Variants in CERKL observed in about 807,000 individuals in gnomAD.
CERKL encodes ceramide kinase-like protein.
In CERKL, 61 loss-of-function variants were observed where a neutral mutation model predicts 63.4. The ratio of observed to expected loss-of-function variants is 0.96; its 90% CI spans 0.78 to 1.19. CERKL has a LOEUF of 1.19. CERKL is among the 50% of genes most tolerant of loss of function. The pLI, the probability that CERKL is intolerant of heterozygous loss-of-function variation, is 0.00. For missense variants in CERKL, 675 were observed against 655.5 expected (o/e 1.03, Z -0.33); for synonymous variants, 250 against 230.5 (o/e 1.08, Z -0.77).
At position 181,610,572 on chromosome 2, in the gene CERKL, G is replaced by A. The variant is rs533217819; in HGVS notation, c.239-6493C>T. On this transcript the variant is annotated intron_variant, in intron 1 of 12. Coordinates refer to ENST00000410087, the MANE Select transcript of CERKL (RefSeq NM_201548.5). ...TCATAAATGAGTAAGTGAAATCTCT[G>A]TATTCTGGTCTGGAAAGACATTCAT... is the stretch of plus-strand genomic sequence containing the variant. 5.3e-5 allele frequency among the ~76,000 whole-genome samples: 8 copies of A among 152,290 alleles called. No individual in the cohort carries two copies. The East Asian group carries it at 1.2e-3, about 22-fold the overall frequency.
intron 1 of CERKL, among the ~76,000 whole-genome samples, chr2:181,632,271 T>C (rs1206471780): frequency 6.6e-6 from 1 of 152,174 alleles, no homozygotes; most frequent in Non-Finnish European, 1.5e-5. Flanking sequence ...ATAGAGGGAT[T>C]AGAGGAACAA....
Position 181,594,574 on chromosome 2 carries a change from GACCACACACACA to G in CERKL, c.481+9251_481+9262del, listed in dbSNP as rs553213784. On this transcript the variant is annotated intron_variant, in intron 2 of 12. Coordinates refer to ENST00000410087, the MANE Select transcript of CERKL (RefSeq NM_201548.5). ...GATGCTATGAAGGGCCCAGGAACCT[GACCACACACACA>G]GGCTTCGCCTTTGCCTATCTCTGCT... 1.3e-3 allele frequency among the ~76,000 whole-genome samples: 196 copies of G among 152,326 alleles called. 1 individual carries two copies. Among genetic ancestry groups the G allele is most frequent in the African/African-American group, 4.5e-3 (187 of 41,576 alleles).
At chr2:181,540,685 T>C (rs969219059) in intron 11 of CERKL, among the ~76,000 whole-genome samples, 29 of 152,186 alleles carry the variant, frequency 1.9e-4, no homozygotes, top group Non-Finnish European at 1.5e-4. Flanking sequence ...GATCTAGCCA[T>C]CCTTCAAATG....
chr2:181,646,549 T>C (rs1233098419), intron 1 of CERKL, among the ~76,000 whole-genome samples: 1 of 152,212 alleles, frequency 6.6e-6, no homozygotes, highest in East Asian at 1.9e-4. Flanking sequence ...TGGAGGTAGA[T>C]GATGGTAGAT....
intron 1 of CERKL, 25 bp downstream of exon 1, chr2:181,656,744 A>T (rs1688177178): frequency 4.5e-6 from 7 of 1,558,504 alleles, no homozygotes; most frequent in Non-Finnish European, 6.1e-6. Flanking sequence ...GAGGGAGGCG[A>T]AGACGCTTGG....
In CERKL at chr2:181,548,712, A is replaced by G. The variant is rs376617675; in HGVS notation, c.1041T>C (p.Asp347=). 9.9e-6 allele frequency: 16 copies of G among 1,613,860 alleles called. No homozygotes were observed. Among genetic ancestry groups the G allele is most frequent in the Admixed American group, 3.3e-5 (2 of 59,956 alleles). Residue 347 remains aspartate (D), a synonymous_variant, in exon 7 of 13, where the codon GAT becomes GAC. Coordinates refer to ENST00000410087, the MANE Select transcript of CERKL (RefSeq NM_201548.5). ...YRWMSPNQRR[D]FAVVKALAKL... ...TTGCCAGTGCCTTAACAACAGCAAA[A>G]TCTCTCCGTTGGTTAGGGGACATCC...
chr2:181,632,148 T>C (rs1686988858), intron 1 of CERKL, among the ~76,000 whole-genome samples: 1 of 152,234 alleles, frequency 6.6e-6, no homozygotes, highest in South Asian at 2.1e-4. Flanking sequence ...CAACCTTACA[T>C]TACATTCTAT....
intron 11 of CERKL, among the ~76,000 whole-genome samples, chr2:181,540,308 G>A (rs1454909722): frequency 6.6e-6 from 1 of 152,162 alleles, no homozygotes; most frequent in Non-Finnish European, 1.5e-5. Flanking sequence ...CATCCTTGTA[G>A]AATTATCTAC....
At chr2:181,539,678 C>T (rs544696219) in intron 11 of CERKL, among the ~76,000 whole-genome samples, 8 of 152,244 alleles carry the variant, frequency 5.3e-5, no homozygotes, top group East Asian at 1.9e-4. Context: ...TTTGGAAGAA[C>T]GCAAGTCTAA....
Position 181,616,206 on chromosome 2 carries a change from A to ATT in CERKL, c.239-12129_239-12128dup, listed in dbSNP as rs35040208. Among the ~76,000 whole-genome samples, 525 of 110,028 alleles carry ATT rather than the reference A, an allele frequency of 4.8e-3. 10 individuals carry two copies. Among genetic ancestry groups the ATT allele is most frequent in the African/African-American group, 0.019 (490 of 25,818 alleles). The allele number at this position is 110,028 out of a possible 152,430, so 72.2% of individuals were successfully genotyped here. A position where few individuals can be genotyped will look rare whatever the true frequency, so the allele number is the denominator to read the frequency against. On this transcript the variant is annotated intron_variant, in intron 1 of 12. Transcript: ENST00000410087. Reference sequence around the variant, plus strand: ...ATCAATGAAACAGTCAAAAATCTAAATTTTTTTTTTTTTTTTTTTTTTTTT... The same window carrying ATT: ...ATCAATGAAACAGTCAAAAATCTAAATTTTTTTTTTTTTTTTTTTTTTTTTTT...
In CERKL at chr2:181,540,500, C is replaced by T. The variant is rs187034558; in HGVS notation, c.1366-1236G>A. Among the ~76,000 whole-genome samples the T allele has an allele frequency of 1.2e-4, 18 of 152,228 alleles. No individual in the cohort carries two copies. In the East Asian group the frequency reaches 1.7e-3, roughly 15 times the overall value. ...TCAACTTAAGATGAAGTCATTAGGGCGGGACCTAATCCAATATGACTGATG... is the reference window on the plus strand; with the variant it reads ...TCAACTTAAGATGAAGTCATTAGGGTGGGACCTAATCCAATATGACTGATG... On this transcript the variant is annotated intron_variant, in intron 11 of 12. Coordinates refer to ENST00000410087, the MANE Select transcript of CERKL (RefSeq NM_201548.5).
intron 2 of CERKL, among the ~76,000 whole-genome samples, chr2:181,587,010 G>A (rs10490684): frequency 0.25 from 38,172 of 152,110 alleles, 6,323 homozygotes; most frequent in Non-Finnish European, 0.36. Context: ...ACAAGTCTCA[G>A]GAGCTATTAA....
At chr2:181,652,848 C>T (rs1027358328) in intron 1 of CERKL, among the ~76,000 whole-genome samples, 8 of 151,478 alleles carry the variant, frequency 5.3e-5, no homozygotes, top group Admixed American at 4.6e-4. Context: ...TATCTCGGCT[C>T]ACTGCAATCT....
rs1254376276 is a variant in CERKL, at chr2:181,582,537, GT to G, written c.482-8654del. 6.6e-3 allele frequency among the ~76,000 whole-genome samples: 789 copies of G among 118,810 alleles called. 7 individuals are homozygous for G. The highest frequency in any genetic ancestry group is 0.023 in the African/African-American group (690 of 29,586). The allele number at this position is 118,810 out of a possible 152,430, so 77.9% of individuals were successfully genotyped here. A position where few individuals can be genotyped will look rare whatever the true frequency, so the allele number is the denominator to read the frequency against. On this transcript the variant is annotated intron_variant, in intron 2 of 12. Coordinates refer to ENST00000410087, the MANE Select transcript of CERKL (RefSeq NM_201548.5). ...TCAACATATATATATATATATATAT[GT>G]TTTTTTTTTTTGAGATGGAGTCTCG...
At position 181,537,077 on chromosome 2, in the gene CERKL, C is replaced by T. The variant is rs1328767852; in HGVS notation, c.*1107G>A. On this transcript the variant is annotated 3_prime_UTR_variant, in exon 13 of 13. Transcript: ENST00000410087. ...ATGTAAGCACAAAACCTCCTGAACC[C>T]AGAGTGTGTATACACAGGAATAAAC... 1.6e-5 allele frequency: 7 copies of T among 446,970 alleles called. No individual in the cohort carries two copies. Among genetic ancestry groups the T allele is most frequent in the Admixed American group, 4.8e-5 (2 of 41,742 alleles). 27.7% of individuals were successfully genotyped at this position (446,970 alleles called of 1,614,324 possible).
At chr2:181,649,150 T>C (rs1338700554) in intron 1 of CERKL, among the ~76,000 whole-genome samples, 2 of 152,196 alleles carry the variant, frequency 1.3e-5, no homozygotes, top group African/African-American at 4.8e-5. Flanking sequence ...CTCAGCTACA[T>C]GCTGCCTAAA....
At chr2:181,599,974 G>A (rs977300923) in intron 2 of CERKL, among the ~76,000 whole-genome samples, 1 of 152,100 alleles carries the variant, frequency 6.6e-6, no homozygotes, top group Admixed American at 6.5e-5. Flanking sequence ...TACCTATAAA[G>A]GAAATCCAAT....
chr2:181,565,378 T>A (rs1688617253), intron 4 of CERKL: 7 of 1,267,106 alleles, frequency 5.5e-6, no homozygotes, highest in Non-Finnish European at 1.2e-6. Flanking sequence ...TCCAACACTT[T>A]AGCAAATTGG....
rs1559062896 is a variant in CERKL, at chr2:181,537,124, T to TA, written c.*1059dup. 6.6e-6 allele frequency: 3 copies of TA among 453,140 alleles called. No individual in the cohort carries two copies. The highest frequency in any genetic ancestry group is 2.0e-5 in the African/African-American group (1 of 49,942). 28.1% of individuals were successfully genotyped at this position (453,140 alleles called of 1,614,324 possible). A position where few individuals can be genotyped will look rare whatever the true frequency, so the allele number is the denominator to read the frequency against. ...AAACTTTATGACATTTATGTATTTT[T>TA]AAAAAACTTTGTATCGTTATAAAAA... On this transcript the variant is annotated 3_prime_UTR_variant, in exon 13 of 13. Transcript: ENST00000410087.
Sources: allele counts gnomAD v4.1 joint callset (sites outside exome capture counted in the v4.1 genomes callset), GRCh38; gene constraint gnomAD v4.1.1; transcripts MANE v1.5; gene names NCBI Gene and HGNC (gene_info 2026-07-23, HGNC 2026-07-21).